HTR2B: variants seen among roughly 807,000 people sequenced by gnomAD.
HTR2B encodes the protein 5-HT 2B receptor.
HTR2B carries 31 observed loss-of-function variants against 39.8 expected under a neutral mutation model. That is an observed-to-expected ratio of 0.78 (90% CI 0.58 to 1.05). The LOEUF (loss-of-function observed/expected upper bound fraction) is 1.05, where lower values mean the gene tolerates loss of function less well. HTR2B is among the 50% of genes least tolerant of loss of function. HTR2B has a pLI of 0.00. For synonymous variants in HTR2B, 210 were observed against 207.1 expected (o/e 1.01, Z -0.12); for missense variants, 562 against 578.0 (o/e 0.97, Z 0.28).
At chr2:231,111,391 TTC>T in intron 3 of HTR2B, among the ~76,000 whole-genome samples, 1 of 152,336 alleles carries the variant, frequency 6.6e-6, no homozygotes, top group Middle Eastern at 3.4e-3. Flanking sequence ...TTAATGAGAC[TTC>T]ATTCATCTCA....
chr2:231,123,306 A>G, intron 2 of HTR2B, 107 bp downstream of exon 2: 2 of 849,276 alleles, frequency 2.4e-6, no homozygotes, highest in Non-Finnish European at 4.0e-6. Flanking sequence ...TAAATAGTCC[A>G]AGTTCATCTT....
intron 1 of HTR2B, among the ~76,000 whole-genome samples, 188 bp downstream of exon 1, chr2:231,124,784 A>G (rs1695678291): frequency 6.6e-6 from 1 of 152,110 alleles, no homozygotes; most frequent in Non-Finnish European, 1.5e-5. Flanking sequence ...CAAAAGGAAG[A>G]TTAGACCATT....
chr2:231,108,729 A>G lies in HTR2B; in HGVS notation c.1234T>C (p.Ser412Pro), dbSNP rs767186336. The change falls in exon 4 of 4, where the codon TCC (serine) becomes CCC (proline). Residue 412 changes from serine to proline, a missense_variant. By Grantham distance (74) the Ser-to-Pro change is moderately conservative (BLOSUM62 -1). Coordinates refer to ENST00000258400, the MANE Select transcript of HTR2B (RefSeq NM_000867.5). ...GGATTCCGGAAGTAGATCTTACTGG[A>G]GCGTTTTCTGAGAGTTTTTACTGAC... ...TKSVKTLRKRSSKIYFRNPMA... is the reference protein window; with the variant it reads ...TKSVKTLRKRPSKIYFRNPMA... 1 of 1,614,036 alleles carries G rather than the reference A, an allele frequency of 6.2e-7. No individual in the cohort carries two copies. Among genetic ancestry groups the G allele is most frequent in the Non-Finnish European group, 8.5e-7 (1 of 1,179,992 alleles).
chr2:231,110,187 G>A (rs1164152399), intron 3 of HTR2B, among the ~76,000 whole-genome samples: 1 of 152,088 alleles, frequency 6.6e-6, no homozygotes, highest in African/African-American at 2.4e-5. Context: ...AGGCATGGTG[G>A]CACGCGCCTG....
chr2:231,109,388 A>G lies in HTR2B; in HGVS notation c.575T>C (p.Ile192Thr). 1.9e-6 allele frequency: 3 copies of G among 1,614,124 alleles called. No homozygotes were observed. Among genetic ancestry groups the G allele is most frequent in the Non-Finnish European group, 2.5e-6 (3 of 1,179,966 alleles). Reference sequence around the variant, plus strand: ...GTCCACATCAGTCTCTATCCCTTTAATAGGGACTGGAATGGCAATGCCTAA... The same window carrying G: ...GTCCACATCAGTCTCTATCCCTTTAGTAGGGACTGGAATGGCAATGCCTAA... ...ISIGIAIPVP[I>T]KGIETDVDNP... is the part of the protein sequence containing the mutation. The change falls in exon 4 of 4, where the codon ATT becomes ACT. Residue 192 changes from isoleucine (I) to threonine (T), a missense_variant. By Grantham distance (89) the Ile-to-Thr change is moderately conservative. Coordinates refer to ENST00000258400, the MANE Select transcript of HTR2B (RefSeq NM_000867.5).
At chr2:231,118,300 A>G (rs1485127351) in intron 2 of HTR2B, among the ~76,000 whole-genome samples, 1 of 152,172 alleles carries the variant, frequency 6.6e-6, no homozygotes, top group Non-Finnish European at 1.5e-5. Context: ...ACACTCCTAC[A>G]TAGAAACAAG....
chr2:231,122,007 ATACT>A (rs1471036523), intron 2 of HTR2B, among the ~76,000 whole-genome samples: 7 of 148,140 alleles, frequency 4.7e-5, no homozygotes, highest in African/African-American at 1.7e-4. Flanking sequence ...TTTCTACATA[ATACT>A]TTCTTTTAAG....
At chr2:231,114,806 T>C (rs73084059) in intron 2 of HTR2B, among the ~76,000 whole-genome samples, 1 of 152,320 alleles carries the variant, frequency 6.6e-6, no homozygotes, top group African/African-American at 2.4e-5. Context: ...TTCATACATA[T>C]GTGAATTTAA....
chr2:231,110,658 C>T (rs747178110), intron 3 of HTR2B, among the ~76,000 whole-genome samples: 5 of 152,208 alleles, frequency 3.3e-5, no homozygotes, highest in Non-Finnish European at 5.9e-5. Flanking sequence ...ACTTTCTCTA[C>T]TTTTCCTCAT....
intron 2 of HTR2B, among the ~76,000 whole-genome samples, chr2:231,119,393 GCTCTGAAATAATAAGTGATTGAA>G (rs1400162281): frequency 3.9e-5 from 6 of 152,092 alleles, no homozygotes; most frequent in African/African-American, 1.4e-4. Flanking sequence ...AGGTGATTGA[GCTCTGAAATAATAAGTGATTGAA>G]CTCTGAAATA....
At chr2:231,114,443 A>T (rs1002181240) in intron 2 of HTR2B, among the ~76,000 whole-genome samples, 1 of 152,174 alleles carries the variant, frequency 6.6e-6, no homozygotes, top group Non-Finnish European at 1.5e-5. Context: ...TTTATAGCAT[A>T]CTCTAGTTTG....
chr2:231,110,711 A>G (rs1695129257), intron 3 of HTR2B, among the ~76,000 whole-genome samples: 1 of 152,242 alleles, frequency 6.6e-6, no homozygotes. Context: ...GTTCTACACC[A>G]GGGGTCATTA....
At chr2:231,116,648 TTTTAGTGCTGA>T (rs1197852987) in intron 2 of HTR2B, among the ~76,000 whole-genome samples, 1 of 152,014 alleles carries the variant, frequency 6.6e-6, no homozygotes, top group African/African-American at 2.4e-5. Flanking sequence ...AAGGAAAGTT[TTTTAGTGCTGA>T]TTTAAGTAAC....
intron 2 of HTR2B, among the ~76,000 whole-genome samples, chr2:231,120,303 G>C (rs554443878): frequency 2.6e-5 from 4 of 152,272 alleles, no homozygotes; most frequent in Non-Finnish European, 5.9e-5. Flanking sequence ...ATTCAGAGAA[G>C]CTCTTAAATG....
chr2:231,110,181 A>G (rs950217377), intron 3 of HTR2B, among the ~76,000 whole-genome samples: 2 of 152,072 alleles, frequency 1.3e-5, no homozygotes, highest in Non-Finnish European at 2.9e-5. Context: ...TTAGCCAGGC[A>G]TGGTGGCACG....
chr2:231,110,394 G>A (rs534610360), intron 3 of HTR2B, among the ~76,000 whole-genome samples: 1 of 152,124 alleles, frequency 6.6e-6, no homozygotes, highest in Non-Finnish European at 1.5e-5. Context: ...ATACCATGAA[G>A]TATTTAAATA....
chr2:231,116,514 GT>G (rs1695339426), intron 2 of HTR2B, among the ~76,000 whole-genome samples: 1 of 151,672 alleles, frequency 6.6e-6, no homozygotes, highest in South Asian at 2.1e-4. Context: ...GAAGATTAAG[GT>G]TTGGAAAATT....
chr2:231,114,621 A>G (rs913296020), intron 2 of HTR2B, among the ~76,000 whole-genome samples: 7 of 152,238 alleles, frequency 4.6e-5, no homozygotes, highest in African/African-American at 1.7e-4. Flanking sequence ...TTGATTTGAA[A>G]AGAAAATCTC....
At chr2:231,117,831 T>C (rs771652111) in intron 2 of HTR2B, among the ~76,000 whole-genome samples, 38 of 152,144 alleles carry the variant, frequency 2.5e-4, no homozygotes, top group Non-Finnish European at 4.1e-4. Flanking sequence ...AATATAACTT[T>C]AACTGAAAAG....
Sources: gnomAD v4.1 joint callset for allele counts (sites outside exome capture counted in the v4.1 genomes callset) on GRCh38, gnomAD v4.1.1 for gene constraint, MANE v1.5 for transcripts, NCBI Gene and HGNC (gene_info 2026-07-23, HGNC 2026-07-21) for gene names.